ANAPC10: variants seen among roughly 807,000 people sequenced by gnomAD.
The protein encoded by ANAPC10 is anaphase promoting complex subunit 10.
ANAPC10 carries 12 observed loss-of-function variants against 22.0 expected under a neutral mutation model. The ratio of observed to expected loss-of-function variants is 0.55; its 90% CI spans 0.35 to 0.88. The LOEUF (loss-of-function observed/expected upper bound fraction) is 0.88, where lower values mean the gene tolerates loss of function less well. Ranked by LOEUF, ANAPC10 falls within the 40% of genes least tolerant of loss-of-function variation. ANAPC10 has a pLI of 0.01. For synonymous variants in ANAPC10, 65 were observed against 69.5 expected (o/e 0.94, Z 0.32); for missense variants, 188 against 220.9 (o/e 0.85, Z 0.94).
chr4:145,027,164 C>A (rs1218613021), intron 4 of ANAPC10, among the ~76,000 whole-genome samples: 2 of 148,876 alleles, frequency 1.3e-5, no homozygotes, highest in Non-Finnish European at 3.0e-5. Flanking sequence ...CCACCACACT[C>A]GGCTAATTTT....
chr4:145,032,119 T>G (rs1737677291), intron 4 of ANAPC10, among the ~76,000 whole-genome samples: 1 of 152,166 alleles, frequency 6.6e-6, no homozygotes, highest in South Asian at 2.1e-4. Context: ...TATGATCAAC[T>G]GGCAGAGGAA....
intron 3 of ANAPC10, among the ~76,000 whole-genome samples, chr4:145,073,353 T>C (rs1485219150): frequency 6.6e-6 from 1 of 152,242 alleles, no homozygotes; most frequent in African/African-American, 2.4e-5. Flanking sequence ...ATAGGTCCTG[T>C]TGTTCACCTG....
At chr4:145,088,263 C>T (rs1179332248) in intron 2 of ANAPC10, among the ~76,000 whole-genome samples, 2 of 152,012 alleles carry the variant, frequency 1.3e-5, no homozygotes, top group Non-Finnish European at 2.9e-5. Flanking sequence ...AATTCTCTCC[C>T]TAGATGAGTT....
chr4:145,025,367 T>C (rs1199508896), intron 4 of ANAPC10, among the ~76,000 whole-genome samples: 3 of 142,294 alleles, frequency 2.1e-5, no homozygotes, highest in South Asian at 2.6e-4. Flanking sequence ...CCTTTCTAGC[T>C]TTTGAGTTAA....
At chr4:145,013,373 A>G (rs982743797) in intron 4 of ANAPC10, among the ~76,000 whole-genome samples, 3 of 152,138 alleles carry the variant, frequency 2.0e-5, no homozygotes, top group East Asian at 1.9e-4. Flanking sequence ...CTGGATTATC[A>G]TTTGAAAATT....
At chr4:145,016,072 C>G (rs1735078672) in intron 4 of ANAPC10, among the ~76,000 whole-genome samples, 1 of 152,128 alleles carries the variant, frequency 6.6e-6, no homozygotes, top group Non-Finnish European at 1.5e-5. Context: ...GACAGGGATG[C>G]CCTCTCTCAC....
At chr4:144,997,906 A>G (rs555912336) in intron 4 of ANAPC10, among the ~76,000 whole-genome samples, 5 of 152,268 alleles carry the variant, frequency 3.3e-5, no homozygotes, top group Admixed American at 3.3e-4. Flanking sequence ...CAAATGGAAA[A>G]CAAAAAAAAC....
chr4:145,011,658 A>T (rs987346964), intron 4 of ANAPC10, among the ~76,000 whole-genome samples: 1 of 152,128 alleles, frequency 6.6e-6, no homozygotes, highest in African/African-American at 2.4e-5. Flanking sequence ...TGTTTCTTGA[A>T]GTCAGAGAAA....
At chr4:145,025,479 G>C (rs1736524331) in intron 4 of ANAPC10, among the ~76,000 whole-genome samples, 1 of 151,950 alleles carries the variant, frequency 6.6e-6, no homozygotes, top group Non-Finnish European at 1.5e-5. Flanking sequence ...AACCAATAAG[G>C]AGGCCCAAGG....
At chr4:145,006,868 T>A (rs1450422802) in intron 4 of ANAPC10, among the ~76,000 whole-genome samples, 1 of 152,100 alleles carries the variant, frequency 6.6e-6, no homozygotes, top group African/African-American at 2.4e-5. Context: ...CCCTTGTCTC[T>A]GCAGAGACTC....
intron 4 of ANAPC10, among the ~76,000 whole-genome samples, chr4:145,026,978 TATATATATA>T (rs1179980639): frequency 2.3e-5 from 1 of 43,886 alleles, no homozygotes; most frequent in African/African-American, 1.1e-4. Context: ...TATATATATA[TATATATATA>T]TTTTTTTTTT....
chr4:145,025,549 T>C (rs1444945447), intron 4 of ANAPC10, among the ~76,000 whole-genome samples: 1 of 151,984 alleles, frequency 6.6e-6, no homozygotes, highest in African/African-American at 2.4e-5. Context: ...CACACACAGT[T>C]ATCGATTGGG....
At chr4:145,074,391 TGAA>T (rs1311492759) in intron 3 of ANAPC10, among the ~76,000 whole-genome samples, 1 of 152,120 alleles carries the variant, frequency 6.6e-6, no homozygotes. Context: ...CAAATTTTTA[TGAA>T]GATCATTTCT....
At chr4:145,021,246 G>A (rs994438805) in intron 4 of ANAPC10, among the ~76,000 whole-genome samples, 2 of 152,098 alleles carry the variant, frequency 1.3e-5, no homozygotes, top group African/African-American at 4.8e-5. Context: ...CAACAAATCT[G>A]GAGGCATCAC....
intron 4 of ANAPC10, chr4:145,063,958 T>C (rs1488692851): frequency 1.3e-5 from 2 of 152,038 alleles, no homozygotes; most frequent in South Asian, 2.1e-4. Flanking sequence ...ATCAGTATAA[T>C]AGTTATTTCT....
At chr4:144,998,560 T>C (rs1731986898) in intron 4 of ANAPC10, among the ~76,000 whole-genome samples, 1 of 152,280 alleles carries the variant, frequency 6.6e-6, no homozygotes, top group Admixed American at 6.5e-5. Flanking sequence ...AGATGTTCTT[T>C]GAAACTAATG....
At chr4:144,996,964 G>A (rs777309193) in intron 4 of ANAPC10, among the ~76,000 whole-genome samples, 3 of 152,094 alleles carry the variant, frequency 2.0e-5, no homozygotes, top group Non-Finnish European at 4.4e-5. Context: ...TAGCTGATTC[G>A]ATCAAGTGGA....
chr4:145,005,715 T>C (rs900299840), intron 4 of ANAPC10, among the ~76,000 whole-genome samples: 2 of 152,194 alleles, frequency 1.3e-5, no homozygotes, highest in African/African-American at 4.8e-5. Flanking sequence ...ATTTCATGTG[T>C]ACCCAGAAGT....
In ANAPC10 at chr4:145,086,450, T is replaced by C. The variant is rs957436197; in HGVS notation, c.116-4700A>G. ...TTCTCTAATGCAGTGGTTCGTACAGTGTCGTTCCTGAACCAGCAGCATCAT... is the reference window on the plus strand; with the variant it reads ...TTCTCTAATGCAGTGGTTCGTACAGCGTCGTTCCTGAACCAGCAGCATCAT... On this transcript the variant is annotated intron_variant, in intron 2 of 4. Transcript: ENST00000507656. Among the ~76,000 whole-genome samples, 7 of 152,320 alleles carry C rather than the reference T, an allele frequency of 4.6e-5. No individual in the cohort carries two copies. The East Asian group carries it at 5.8e-4, about 13-fold the overall frequency.
Sources: allele counts gnomAD v4.1 joint callset (sites outside exome capture counted in the v4.1 genomes callset), GRCh38; gene constraint gnomAD v4.1.1; transcripts MANE v1.5; gene names NCBI Gene and HGNC (gene_info 2026-07-23, HGNC 2026-07-21).